EXOC4: variants seen among roughly 807,000 people sequenced by gnomAD.
EXOC4 encodes the protein SEC8-like 1.
Under a neutral mutation model 107.2 loss-of-function variants are expected in EXOC4, and 71 were observed. The observed-to-expected ratio is 0.66, with a 90% CI of 0.55 to 0.81. The LOEUF is 0.81. Among genes scored for constraint, EXOC4 ranks in the 30% least tolerant of loss-of-function variants. EXOC4 has a pLI of 0.00. For synonymous variants in EXOC4, 456 were observed against 441.2 expected, an observed-to-expected ratio of 1.03 and a Z score of -0.42; for missense variants, 1,108 against 1,189.6, an observed-to-expected ratio of 0.93 and a Z score of 1.01.
chr7:133,794,292 A>G (rs145150324), intron 10 of EXOC4, among the ~76,000 whole-genome samples: 1 of 152,028 alleles, frequency 6.6e-6, no homozygotes, highest in East Asian at 1.9e-4. Flanking sequence ...TTTAGGTGAT[A>G]TTTTCATCTT....
At chr7:133,671,084 G>A (rs1005318045) in intron 10 of EXOC4, among the ~76,000 whole-genome samples, 2 of 152,142 alleles carry the variant, frequency 1.3e-5, no homozygotes, top group African/African-American at 2.4e-5. Flanking sequence ...CCTGAGACCC[G>A]TATACCTGAA....
At chr7:133,680,776 T>C (rs1794170163) in intron 10 of EXOC4, among the ~76,000 whole-genome samples, 1 of 152,146 alleles carries the variant, frequency 6.6e-6, no homozygotes, top group African/African-American at 2.4e-5. Context: ...TTTAAATACA[T>C]CAAACGAAGC....
rs879873170 is a variant in EXOC4, at chr7:134,041,755, T to C, written c.2688-22536T>C. On this transcript the variant is annotated intron_variant, in intron 17 of 17. Transcript: ENST00000253861. ...AATGAGATATTCTTCCTTCAGTTCA[T>C]TGTGAGAGAAGGAAACAGCAAGAAT... Among the ~76,000 whole-genome samples the C allele has an allele frequency of 8.5e-5, 13 of 152,344 alleles. No individual in the cohort carries two copies. The East Asian group carries it at 9.6e-4, about 11-fold the overall frequency.
In EXOC4 at chr7:133,448,585, A is replaced by G. The variant is rs1798271503; in HGVS notation, c.1183-26743A>G. 2.0e-5 allele frequency among the ~76,000 whole-genome samples: 3 copies of G among 152,290 alleles called. No individual in the cohort carries two copies. In the South Asian group the frequency reaches 6.2e-4, roughly 32 times the overall value. ...ACCCATCCCCAAGTGCTGTGGTTATAGGCATGAGGCACCATGCCCAACCTA... is the reference window on the plus strand; with the variant it reads ...ACCCATCCCCAAGTGCTGTGGTTATGGGCATGAGGCACCATGCCCAACCTA... On this transcript the variant is annotated intron_variant, in intron 7 of 17. Transcript: ENST00000253861.
intron 7 of EXOC4, among the ~76,000 whole-genome samples, chr7:133,441,951 A>G (rs1798115172): frequency 6.6e-6 from 1 of 152,162 alleles, no homozygotes; most frequent in Non-Finnish European, 1.5e-5. Context: ...GGGACAGTGC[A>G]TTGCTGCTGG....
chr7:133,503,892 G>A (rs911001984), intron 9 of EXOC4, among the ~76,000 whole-genome samples: 26 of 151,944 alleles, frequency 1.7e-4, no homozygotes, highest in African/African-American at 6.3e-4. Flanking sequence ...AGATTAGAGG[G>A]GTGGGGAGCA....
intron 7 of EXOC4, among the ~76,000 whole-genome samples, chr7:133,400,707 T>C (rs1797070396): frequency 1.3e-5 from 2 of 152,190 alleles, no homozygotes; most frequent in Non-Finnish European, 2.9e-5. Flanking sequence ...GTAACAACTA[T>C]GTAAGGTTTG....
Position 133,630,663 on chromosome 7 carries a change from C to T in EXOC4, c.1514+522C>T, listed in dbSNP as rs748594124. Among the ~76,000 whole-genome samples, 16 of 152,186 alleles carry T rather than the reference C, an allele frequency of 1.1e-4. No individual in the cohort carries two copies. The Middle Eastern group carries it at 0.01, about 97-fold the overall frequency. ...AAAAATTGCAAACCCATAATCTGTC[C>T]CTCTCATTTACACCAATGTCTGAGA... On this transcript the variant is annotated intron_variant, in intron 10 of 17. Coordinates refer to ENST00000253861, the MANE Select transcript of EXOC4 (RefSeq NM_021807.4).
At chr7:133,680,847 C>A (rs1262561625) in intron 10 of EXOC4, among the ~76,000 whole-genome samples, 2 of 152,202 alleles carry the variant, frequency 1.3e-5, no homozygotes, top group African/African-American at 4.8e-5. Flanking sequence ...TGATCTACTT[C>A]TTCCCTCTCC....
chr7:133,622,337 T>C (rs1802354133), intron 9 of EXOC4, among the ~76,000 whole-genome samples: 1 of 152,172 alleles, frequency 6.6e-6, no homozygotes, highest in Non-Finnish European at 1.5e-5. Context: ...GTTTCTGGGA[T>C]GACAGGCAAA....
chr7:133,356,713 G>C, intron 6 of EXOC4, 140 bp downstream of exon 6: 1 of 971,640 alleles, frequency 1.0e-6, no homozygotes, highest in South Asian at 1.7e-5. Context: ...AGGCGCAGTG[G>C]CTCACGCCTG....
intron 10 of EXOC4, among the ~76,000 whole-genome samples, chr7:133,758,917 T>C (rs2151148409): frequency 6.6e-6 from 1 of 152,296 alleles, no homozygotes; most frequent in Non-Finnish European, 1.5e-5. Flanking sequence ...AGAATTCAAG[T>C]GCTTTGGCAG....
chr7:133,483,088 C>T (rs1799192520), intron 9 of EXOC4, among the ~76,000 whole-genome samples: 1 of 152,172 alleles, frequency 6.6e-6, no homozygotes, highest in African/African-American at 2.4e-5. Flanking sequence ...GAGTTTGCCA[C>T]GAAACTATAA....
At chr7:133,264,302 GCTGT>G (rs1793664339) in intron 1 of EXOC4, among the ~76,000 whole-genome samples, 1 of 152,190 alleles carries the variant, frequency 6.6e-6, no homozygotes, top group Non-Finnish European at 1.5e-5. Context: ...GGCCCTAAGT[GCTGT>G]CTGAAGCAAG....
chr7:133,965,343 A>G (rs191641526), intron 14 of EXOC4, among the ~76,000 whole-genome samples: 158 of 152,246 alleles, frequency 1.0e-3, no homozygotes, highest in African/African-American at 3.5e-3. Context: ...ATTAGATCCC[A>G]TTTGTCAATT....
chr7:133,971,480 T>C (rs1047122621), intron 14 of EXOC4, among the ~76,000 whole-genome samples: 5 of 150,754 alleles, frequency 3.3e-5, no homozygotes, highest in African/African-American at 7.3e-5. Flanking sequence ...TATATACACA[T>C]ATATACATAA....
chr7:133,474,564 C>G (rs748652210), intron 7 of EXOC4, among the ~76,000 whole-genome samples: 1 of 151,472 alleles, frequency 6.6e-6, no homozygotes, highest in Non-Finnish European at 1.5e-5. Flanking sequence ...CCTCCTACCT[C>G]AGCCTCCCAA....
chr7:133,795,022 A>AC (rs1234041125), intron 10 of EXOC4, among the ~76,000 whole-genome samples: 1 of 151,200 alleles, frequency 6.6e-6, no homozygotes, highest in Non-Finnish European at 1.5e-5. Flanking sequence ...CAAAGCAACT[A>AC]CCCATTATGC....
chr7:133,634,281 T>C (rs1396599992), intron 10 of EXOC4, among the ~76,000 whole-genome samples: 2 of 152,170 alleles, frequency 1.3e-5, no homozygotes, highest in Non-Finnish European at 2.9e-5. Context: ...TCATTCCCCA[T>C]TAACTCCGCT....
Sources: allele counts gnomAD v4.1 joint callset (sites outside exome capture counted in the v4.1 genomes callset), GRCh38; gene constraint gnomAD v4.1.1; transcripts MANE v1.5; gene names NCBI Gene and HGNC (gene_info 2026-07-23, HGNC 2026-07-21).